Variants in CDK19 observed in about 807,000 individuals in gnomAD.
The protein encoded by CDK19 is cyclin dependent kinase 19, also known as cyclin-dependent kinase 19.
In CDK19, 20 loss-of-function variants were observed where a neutral mutation model predicts 68.3. The observed-to-expected ratio is 0.29, with a 90% CI of 0.21 to 0.43. The LOEUF is 0.43. Among genes scored for constraint, CDK19 ranks in the 20% least tolerant of loss-of-function variants. The pLI, the probability that CDK19 is intolerant of heterozygous loss-of-function variation, is 1.00. For synonymous variants in CDK19, 221 were observed against 222.8 expected, an observed-to-expected ratio of 0.99 and a Z score of 0.07; for missense variants, 339 against 623.5, an observed-to-expected ratio of 0.54 and a Z score of 4.86.
intron 1 of CDK19, among the ~76,000 whole-genome samples, chr6:110,785,091 A>T (rs1219147367): frequency 4.0e-5 from 6 of 151,824 alleles, no homozygotes; most frequent in Non-Finnish European, 8.8e-5. Flanking sequence ...AAAAAAAAAA[A>T]AAAGCCCCTG....
intron 2 of CDK19, among the ~76,000 whole-genome samples, chr6:110,697,046 G>A (rs1178026272): frequency 2.1e-5 from 3 of 145,456 alleles, no homozygotes; most frequent in South Asian, 2.2e-4. Context: ...GTGACAGAGC[G>A]AAACTCCATC....
At chr6:110,725,621 A>G (rs1776263825) in intron 2 of CDK19, among the ~76,000 whole-genome samples, 1 of 152,210 alleles carries the variant, frequency 6.6e-6, no homozygotes, top group Non-Finnish European at 1.5e-5. Context: ...TAATTGGCTG[A>G]GAAATCATCA....
chr6:110,766,105 C>A (rs1454850525), intron 1 of CDK19, among the ~76,000 whole-genome samples: 1 of 151,912 alleles, frequency 6.6e-6, no homozygotes. Flanking sequence ...TGGTATATAC[C>A]CAAAGGAAAG....
At chr6:110,748,479 T>C (rs1778228497) in intron 1 of CDK19, among the ~76,000 whole-genome samples, 1 of 152,252 alleles carries the variant, frequency 6.6e-6, no homozygotes. Context: ...TTAAGATTTA[T>C]TTGCAACATT....
At chr6:110,681,164 G>A (rs12211813) in intron 2 of CDK19, among the ~76,000 whole-genome samples, 5,138 of 152,080 alleles carry the variant, frequency 0.034, 123 homozygotes, top group Middle Eastern at 0.078. Context: ...TGGCCAACAC[G>A]ATGAAACCCC....
intron 4 of CDK19, among the ~76,000 whole-genome samples, chr6:110,644,815 G>A (rs925754907): frequency 2.6e-5 from 4 of 151,990 alleles, no homozygotes; most frequent in African/African-American, 7.3e-5. Context: ...GGGGAGGCAG[G>A]GGGGAAGATA....
chr6:110,809,301 G>A (rs538320381), intron 1 of CDK19, among the ~76,000 whole-genome samples: 1 of 152,054 alleles, frequency 6.6e-6, no homozygotes, highest in South Asian at 2.1e-4. Context: ...GATCACTGGA[G>A]CCCAGGAGTT....
In CDK19 at chr6:110,767,405, G is replaced by A. The variant is rs184042626; in HGVS notation, c.129-21204C>T. Among the ~76,000 whole-genome samples, 8 of 151,758 alleles carry A rather than the reference G, an allele frequency of 5.3e-5. No individual in the cohort carries two copies. In the East Asian group the frequency reaches 1.6e-3, roughly 30 times the overall value. On this transcript the variant is annotated intron_variant, in intron 1 of 12. Transcript: ENST00000368911. ...GGCTGAGGTGGGCAGATGACCTGAGGTCAGGAGTTCGAGACCAGCCTGGCC... is the reference window on the plus strand; with the variant it reads ...GGCTGAGGTGGGCAGATGACCTGAGATCAGGAGTTCGAGACCAGCCTGGCC...
At chr6:110,786,298 G>A (rs922221189) in intron 1 of CDK19, among the ~76,000 whole-genome samples, 1 of 152,124 alleles carries the variant, frequency 6.6e-6, no homozygotes, top group Admixed American at 6.5e-5. Flanking sequence ...TTCCTCTGGT[G>A]TGCCATCTAT....
chr6:110,720,964 G>A (rs1004251773), intron 2 of CDK19, among the ~76,000 whole-genome samples: 6 of 151,848 alleles, frequency 4.0e-5, no homozygotes, highest in African/African-American at 7.2e-5. Context: ...GGGGTCAGGC[G>A]TGGTGGCCCA....
intron 1 of CDK19, among the ~76,000 whole-genome samples, chr6:110,760,327 G>A (rs184558900): frequency 1.3e-5 from 2 of 148,388 alleles, no homozygotes; most frequent in African/African-American, 5.0e-5. Context: ...AACTTGAGAG[G>A]TGGAGTTTGC....
At chr6:110,814,706 C>T (rs1287532891) in intron 1 of CDK19, 8 of 588,622 alleles carry the variant, frequency 1.4e-5, no homozygotes, top group Non-Finnish European at 2.6e-5. Context: ...ACAAACTCCT[C>T]CTCCACCGCG....
intron 1 of CDK19, among the ~76,000 whole-genome samples, chr6:110,771,304 A>G (rs973650789): frequency 1.7e-4 from 26 of 152,206 alleles, no homozygotes; most frequent in Non-Finnish European, 3.2e-4. Context: ...AGGTTCCCAA[A>G]CCTCAGTTCT....
intron 2 of CDK19, among the ~76,000 whole-genome samples, chr6:110,679,896 T>G (rs926356913): frequency 2.6e-5 from 4 of 152,190 alleles, no homozygotes; most frequent in Non-Finnish European, 5.9e-5. Context: ...ATATCTCCAA[T>G]GCATAAAATG....
chr6:110,720,688 G>A (rs1249887551), intron 2 of CDK19, among the ~76,000 whole-genome samples: 3 of 151,964 alleles, frequency 2.0e-5, no homozygotes, highest in South Asian at 4.2e-4. Context: ...CCAACATGGT[G>A]AAACCCTGTC....
At chr6:110,812,539 T>G (rs1783185504) in intron 1 of CDK19, among the ~76,000 whole-genome samples, 1 of 152,204 alleles carries the variant, frequency 6.6e-6, no homozygotes, top group Non-Finnish European at 1.5e-5. Context: ...GGAAATAACA[T>G]TTTGCTAACT....
At chr6:110,731,355 AATTG>A (rs1776745727) in intron 2 of CDK19, among the ~76,000 whole-genome samples, 1 of 152,142 alleles carries the variant, frequency 6.6e-6, no homozygotes, top group South Asian at 2.1e-4. Context: ...GAGACTGGCT[AATTG>A]AAAAAGAATA....
rs1489558352 is a variant in CDK19 at position 110,611,906 on chromosome 6, C to T, written c.*2629G>A. The stretch of plus-strand genomic sequence containing the variant: ...AGGCAAGGAAAGAGGAGAAAAGAGC[C>T]AGTACCAGTGCAGGGATAGGAACTC... On this transcript the variant is annotated 3_prime_UTR_variant, in exon 13 of 13. Coordinates refer to ENST00000368911, the MANE Select transcript of CDK19 (RefSeq NM_015076.5). 6.6e-6 allele frequency: 1 copy of T among 152,174 alleles called. No individual in the cohort carries two copies. Among genetic ancestry groups the T allele is most frequent in the African/African-American group, 2.4e-5 (1 of 41,420 alleles). 9.4% of individuals were successfully genotyped at this position (152,174 alleles called of 1,614,324 possible).
intron 4 of CDK19, among the ~76,000 whole-genome samples, chr6:110,657,994 A>G (rs1423950340): frequency 6.6e-6 from 1 of 152,202 alleles, no homozygotes; most frequent in South Asian, 2.1e-4. Flanking sequence ...AGATGATGAA[A>G]AAAACTGTCA....
Sources: gnomAD v4.1 joint callset for allele counts (sites outside exome capture counted in the v4.1 genomes callset) on GRCh38, gnomAD v4.1.1 for gene constraint, MANE v1.5 for transcripts, NCBI Gene and HGNC (gene_info 2026-07-23, HGNC 2026-07-21) for gene names.